The following LINGO2 variants were observed in gnomAD, a reference collection of about 807,000 sequenced individuals.
The protein encoded by LINGO2 is leucine rich repeat and Ig domain containing 2.
A neutral mutation model predicts 30.6 loss-of-function variants in LINGO2; 14 were observed. The observed-to-expected ratio is 0.46, with a 90% CI of 0.30 to 0.72. The LOEUF (loss-of-function observed/expected upper bound fraction) is 0.72. LINGO2 is among the 30% of genes least tolerant of loss of function. The probability of loss-of-function intolerance (pLI) is 0.07; values close to 1 mark genes in which losing one functional copy is unlikely to be tolerated. For missense variants in LINGO2, 729 were observed against 751.7 expected, an observed-to-expected ratio of 0.97 and a Z score of 0.35; for synonymous variants, 317 against 288.5, an observed-to-expected ratio of 1.10 and a Z score of -1.00.
chr9:29,090,093 T>A, the LINGO2 span, among the ~76,000 whole-genome samples: 1 of 152,068 alleles, frequency 6.6e-6, no homozygotes, highest in Non-Finnish European at 1.5e-5. Flanking sequence ...TACAGTGGTA[T>A]TGAAATATGG....
intron 4 of LINGO2, among the ~76,000 whole-genome samples, chr9:28,026,913 C>T (rs911020738): frequency 2.6e-5 from 4 of 152,104 alleles, no homozygotes; most frequent in Non-Finnish European, 2.9e-5. Flanking sequence ...GGCTTTTTCA[C>T]GACCTAGATC....
chr9:28,398,831 G>T (rs1243145479), intron 2 of LINGO2, among the ~76,000 whole-genome samples: 2 of 152,114 alleles, frequency 1.3e-5, no homozygotes, highest in Non-Finnish European at 2.9e-5. Context: ...GCATGCAAAT[G>T]GTGTCTAGGA....
intron 3 of LINGO2, among the ~76,000 whole-genome samples, chr9:28,327,345 AG>A (rs1490335301): frequency 6.6e-6 from 1 of 152,210 alleles, no homozygotes; most frequent in Non-Finnish European, 1.5e-5. Context: ...TTAAGTCGGC[AG>A]GAAGAAGTCC....
intron 5 of LINGO2, among the ~76,000 whole-genome samples, chr9:27,952,507 A>G (rs1178212046): frequency 1.3e-5 from 2 of 152,026 alleles, no homozygotes; most frequent in East Asian, 3.8e-4. Context: ...TAAAAAAATT[A>G]TGAAAACACC....
At chr9:28,023,379 T>C (rs1823229592) in intron 4 of LINGO2, among the ~76,000 whole-genome samples, 1 of 152,138 alleles carries the variant, frequency 6.6e-6, no homozygotes, top group Admixed American at 6.5e-5. Flanking sequence ...AGGCTTCAAA[T>C]TCCTGTAATA....
At chr9:28,328,139 T>C (rs1025202382) in intron 3 of LINGO2, among the ~76,000 whole-genome samples, 3 of 152,072 alleles carry the variant, frequency 2.0e-5, no homozygotes, top group Non-Finnish European at 4.4e-5. Flanking sequence ...CCAGAGGAAA[T>C]CACTAGGAAA....
intron 2 of LINGO2, among the ~76,000 whole-genome samples, chr9:28,417,389 T>C (rs1816467849): frequency 6.7e-6 from 1 of 149,668 alleles, no homozygotes; most frequent in South Asian, 2.1e-4. Context: ...ACATATTTTA[T>C]TTGTTATTTA....
chr9:29,198,881 A>T, the LINGO2 span, among the ~76,000 whole-genome samples: 2 of 152,222 alleles, frequency 1.3e-5, 1 homozygote, highest in East Asian at 3.9e-4. Context: ...TACGCATGTA[A>T]CTGGACGAAA....
At chr9:28,676,615 C>T in the LINGO2 span, among the ~76,000 whole-genome samples, 3 of 151,958 alleles carry the variant, frequency 2.0e-5, no homozygotes, top group Non-Finnish European at 4.4e-5. Context: ...GCTTTTAAAA[C>T]ATGTGTTGTT....
chr9:28,752,727 T>G, the LINGO2 span, among the ~76,000 whole-genome samples: 1 of 151,988 alleles, frequency 6.6e-6, no homozygotes, highest in South Asian at 2.1e-4. Flanking sequence ...CAACTCTGCA[T>G]AGATCTTAAC....
intron 1 of LINGO2, among the ~76,000 whole-genome samples, chr9:28,634,215 C>T (rs747011385): frequency 5.9e-5 from 9 of 152,118 alleles, no homozygotes; most frequent in African/African-American, 1.9e-4. Flanking sequence ...TTTTATAATA[C>T]GCTGGTTTTC....
At chr9:29,009,308 C>A in the LINGO2 span, among the ~76,000 whole-genome samples, 1,733 of 152,240 alleles carry the variant, frequency 0.011, 16 homozygotes, top group Non-Finnish European at 0.018. Context: ...CCAAAATCTC[C>A]TTAAGCTGAT....
chr9:28,165,723 C>T (rs939945522), intron 4 of LINGO2, among the ~76,000 whole-genome samples: 1 of 152,152 alleles, frequency 6.6e-6, no homozygotes, highest in Non-Finnish European at 1.5e-5. Context: ...TCCTTCCGCT[C>T]AATTATTTTA....
At chr9:28,275,143 A>T (rs1823071644) in intron 4 of LINGO2, among the ~76,000 whole-genome samples, 1 of 151,930 alleles carries the variant, frequency 6.6e-6, no homozygotes, top group African/African-American at 2.4e-5. Flanking sequence ...ATCTTGGCTC[A>T]CTGCAAGCTC....
chr9:29,095,449 T>C, the LINGO2 span, among the ~76,000 whole-genome samples: 1 of 137,422 alleles, frequency 7.3e-6, no homozygotes, highest in Non-Finnish European at 1.6e-5. Context: ...ATAATAATAA[T>C]AAACACAACA....
chr9:28,902,719 A>G, the LINGO2 span, among the ~76,000 whole-genome samples: 1 of 152,152 alleles, frequency 6.6e-6, no homozygotes, highest in Non-Finnish European at 1.5e-5. Context: ...ACTAGAAACA[A>G]TAACAGAAAG....
chr9:29,130,144 AGAG>A, the LINGO2 span, among the ~76,000 whole-genome samples: 1 of 152,192 alleles, frequency 6.6e-6, no homozygotes, highest in African/African-American at 2.4e-5. Context: ...GCTAAAGTTA[AGAG>A]AAGATGGGCA....
intron 2 of LINGO2, among the ~76,000 whole-genome samples, chr9:28,404,905 T>TGTGTGTGA (rs1281731712): frequency 1.7e-3 from 194 of 116,166 alleles, no homozygotes; most frequent in African/African-American, 4.9e-3. Flanking sequence ...CCGCTTTGTG[T>TGTGTGTGA]GTGTGTGTGT....
chr9:29,213,291 C>T, the LINGO2 span, among the ~76,000 whole-genome samples: 1 of 152,174 alleles, frequency 6.6e-6, no homozygotes, highest in Non-Finnish European at 1.5e-5. Flanking sequence ...GATAATGCCC[C>T]TCCCCCCTTT....
Sources: gnomAD v4.1 joint callset for allele counts (sites outside exome capture counted in the v4.1 genomes callset) on GRCh38, gnomAD v4.1.1 for gene constraint, MANE v1.5 for transcripts, NCBI Gene and HGNC (gene_info 2026-07-23, HGNC 2026-07-21) for gene names.